The following NDST3 variants were observed in gnomAD, a reference collection of about 807,000 sequenced individuals.
The protein encoded by NDST3 is N-deacetylase and N-sulfotransferase 3, also known as bifunctional heparan sulfate N-deacetylase/N-sulfotransferase 3.
NDST3 carries 58 observed loss-of-function variants against 96.1 expected under a neutral mutation model. The ratio of observed to expected loss-of-function variants is 0.60; its 90% CI spans 0.49 to 0.75. The LOEUF is 0.75. Among genes scored for constraint, NDST3 ranks in the 30% least tolerant of loss-of-function variants. The pLI, the probability that NDST3 is intolerant of heterozygous loss-of-function variation, is 0.00. For missense variants in NDST3, 788 were observed against 1,034.2 expected, an observed-to-expected ratio of 0.76 and a Z score of 3.27; for synonymous variants, 333 against 359.7, an observed-to-expected ratio of 0.93 and a Z score of 0.84.
intron 6 of NDST3, among the ~76,000 whole-genome samples, chr4:118,166,732 G>C (rs1397629008): frequency 6.6e-6 from 1 of 151,858 alleles, no homozygotes; most frequent in Non-Finnish European, 1.5e-5. Context: ...GGGATGCAAG[G>C]ATGTTTCCAC....
chr4:118,150,314 A>G (rs925957044), intron 6 of NDST3, among the ~76,000 whole-genome samples: 1 of 152,212 alleles, frequency 6.6e-6, no homozygotes, highest in African/African-American at 2.4e-5. Flanking sequence ...ACCATTCAGG[A>G]CATAAGCACG....
At chr4:118,062,379 G>A (rs979857610) in intron 2 of NDST3, among the ~76,000 whole-genome samples, 1 of 152,048 alleles carries the variant, frequency 6.6e-6, no homozygotes, top group African/African-American at 2.4e-5. Context: ...GTAATAGAAT[G>A]TCCAGTTCCA....
intron 6 of NDST3, among the ~76,000 whole-genome samples, chr4:118,149,117 T>G (rs955543895): frequency 2.6e-5 from 4 of 152,166 alleles, no homozygotes; most frequent in Non-Finnish European, 1.5e-5. Context: ...GATCTATATC[T>G]GTGTTTTGGT....
chr4:118,233,445 C>T (rs4147040), intron 9 of NDST3, among the ~76,000 whole-genome samples: 5,962 of 151,910 alleles, frequency 0.039, 178 homozygotes, highest in African/African-American at 0.086. Context: ...CCTTTCTACT[C>T]GTAAGGAAAA....
At chr4:118,255,095 C>T (rs188760943) in intron 13 of NDST3, among the ~76,000 whole-genome samples, 1 of 152,216 alleles carries the variant, frequency 6.6e-6, no homozygotes, top group African/African-American at 2.4e-5. Context: ...TTTATTAAAG[C>T]TAAAATGTTT....
chr4:118,177,992 T>G lies in NDST3; in HGVS notation c.1539+34308T>G, dbSNP rs180886658. Among the ~76,000 whole-genome samples, 4 of 151,928 alleles carry G rather than the reference T, an allele frequency of 2.6e-5. No homozygotes were observed. In the East Asian group the frequency reaches 7.7e-4, roughly 29 times the overall value. On this transcript the variant is annotated intron_variant, in intron 6 of 13. Transcript: ENST00000296499. The stretch of plus-strand genomic sequence containing the variant: ...TAAAGTTGGATAGTTACAGTTAAGT[T>G]GAATGAGTAACTAATTCAGTCACCA...
chr4:118,191,881 T>C (rs1199919108), intron 6 of NDST3, among the ~76,000 whole-genome samples: 2 of 152,208 alleles, frequency 1.3e-5, no homozygotes, highest in African/African-American at 4.8e-5. Context: ...ACAGTAGTTG[T>C]ACTAATTTAC....
At chr4:118,163,495 G>C (rs11941062) in intron 6 of NDST3, among the ~76,000 whole-genome samples, 1 of 151,148 alleles carries the variant, frequency 6.6e-6, no homozygotes, top group Non-Finnish European at 1.5e-5. Flanking sequence ...GTAAACTATC[G>C]CAAGAACAAA....
chr4:118,211,956 C>T (rs11945329), intron 6 of NDST3, among the ~76,000 whole-genome samples: 25,345 of 152,042 alleles, frequency 0.17, 2,245 homozygotes, highest in South Asian at 0.23. Context: ...CAGAAGGCAA[C>T]GACTCAAAGC....
intron 4 of NDST3, among the ~76,000 whole-genome samples, chr4:118,118,968 T>C (rs2125871081): frequency 6.6e-6 from 1 of 152,306 alleles, no homozygotes; most frequent in South Asian, 2.1e-4. Flanking sequence ...TGGTTAAATT[T>C]TTAATGATAA....
At chr4:118,140,669 T>C (rs1354690459) in intron 5 of NDST3, among the ~76,000 whole-genome samples, 1 of 152,174 alleles carries the variant, frequency 6.6e-6, no homozygotes, top group Non-Finnish European at 1.5e-5. Flanking sequence ...CTTACAATCA[T>C]GGCAGAAGGC....
At chr4:118,237,246 A>G (rs1740701565) in intron 10 of NDST3, 26 bp downstream of exon 10, 1 of 1,581,306 alleles carries the variant, frequency 6.3e-7, no homozygotes. Context: ...ATAAAATCCA[A>G]CAGGGAGAAG....
Position 118,237,179 on chromosome 4 carries a change from ATT to A in NDST3, c.2078_2079del (p.Ile693ThrfsTer3). The A allele has an allele frequency of 6.2e-7, 1 of 1,613,568 alleles. No homozygotes were observed. Among genetic ancestry groups the A allele is most frequent in the Non-Finnish European group, 8.5e-7 (1 of 1,179,764 alleles). Reference protein sequence around the residue: ...SLVPKAKIITILIDPSDRAYS... With the variant: ...SLVPKAKIITXLIDPSDRAYS... ...GGTTCCCAAAGCCAAGATTATCACC[ATT>A]CTCATTGACCCTTCAGACCGAGCAT... On this transcript the variant is annotated frameshift_variant, in exon 10 of 14. Coordinates refer to ENST00000296499, the MANE Select transcript of NDST3 (RefSeq NM_004784.3). LOFTEE classifies it high-confidence loss of function.
At chr4:118,145,899 T>C (rs1465610475) in intron 6 of NDST3, among the ~76,000 whole-genome samples, 3 of 152,150 alleles carry the variant, frequency 2.0e-5, no homozygotes, top group African/African-American at 7.2e-5. Context: ...ACTCTAATAC[T>C]GGAAGCAATT....
chr4:118,063,308 CAGA>C (rs1726050954), intron 2 of NDST3, among the ~76,000 whole-genome samples: 1 of 151,868 alleles, frequency 6.6e-6, no homozygotes, highest in East Asian at 1.9e-4. Context: ...ACTGTAGTAG[CAGA>C]AGAATACAAG....
At chr4:118,093,319 G>A (rs1729033167) in intron 2 of NDST3, among the ~76,000 whole-genome samples, 1 of 151,838 alleles carries the variant, frequency 6.6e-6, no homozygotes, top group East Asian at 1.9e-4. Flanking sequence ...TGGATCATGG[G>A]TCTAATTTGA....
chr4:118,194,667 T>G, intron 6 of NDST3: 1 of 645,980 alleles, frequency 1.5e-6, no homozygotes, highest in Non-Finnish European at 2.9e-6. Context: ...GCCTTCCTCC[T>G]GTTTGGGCGA....
At chr4:118,238,750 T>C (rs2126004924) in intron 10 of NDST3, among the ~76,000 whole-genome samples, 1 of 152,308 alleles carries the variant, frequency 6.6e-6, no homozygotes, top group Non-Finnish European at 1.5e-5. Flanking sequence ...GCATATAAAT[T>C]AGAAAGTAAT....
Position 118,046,999 on chromosome 4 carries a change from G to A in NDST3, c.-155-6757G>A, listed in dbSNP as rs150144709. Reference sequence around the variant, plus strand: ...CAAGGTCCAAGAGTGGACATGGTGAGGAGGTCACCTCTCTCCCTGCCCACT... The same window carrying A: ...CAAGGTCCAAGAGTGGACATGGTGAAGAGGTCACCTCTCTCCCTGCCCACT... On this transcript the variant is annotated intron_variant, in intron 1 of 13. Coordinates refer to ENST00000296499, the MANE Select transcript of NDST3 (RefSeq NM_004784.3). 5.3e-3 allele frequency among the ~76,000 whole-genome samples: 800 copies of A among 152,330 alleles called. 4 individuals are homozygous for A. The highest frequency in any genetic ancestry group is 7.1e-3 in the Non-Finnish European group (480 of 68,024).
Sources: gnomAD v4.1 joint callset for allele counts (sites outside exome capture counted in the v4.1 genomes callset) on GRCh38, gnomAD v4.1.1 for gene constraint, MANE v1.5 for transcripts, NCBI Gene and HGNC (gene_info 2026-07-23, HGNC 2026-07-21) for gene names.